TAS2R1: variants seen among roughly 807,000 people sequenced by gnomAD.
The protein encoded by TAS2R1 is taste receptor type 2 member 1.
For synonymous variants in TAS2R1, 141 were observed against 134.2 expected, an observed-to-expected ratio of 1.05 and a Z score of -0.35; for missense variants, 370 against 353.4, an observed-to-expected ratio of 1.05 and a Z score of -0.38.
intron 2 of TAS2R1, among the ~76,000 whole-genome samples, chr5:9,648,052 T>C (rs980158285): frequency 1.8e-4 from 28 of 152,168 alleles, no homozygotes; most frequent in Middle Eastern, 3.2e-3. Flanking sequence ...TGAGATCAAA[T>C]GTATCTCAAA....
In TAS2R1 at chr5:9,640,725, T is replaced by G. The variant is rs1315679750; in HGVS notation, c.-80-10733A>C. Among the ~76,000 whole-genome samples, 3 of 152,284 alleles carry G rather than the reference T, an allele frequency of 2.0e-5. No individual in the cohort carries two copies. In the East Asian group the frequency reaches 5.8e-4, roughly 29 times the overall value. On this transcript the variant is annotated intron_variant, in intron 2 of 2. Coordinates refer to the TAS2R1 transcript ENST00000506620. ...CAACACTCAGCTCTGAGAAGCAGAT[T>G]TGTGCTTTCTTCTCATCCTCAGTAC...
chr5:9,827,288 C>A, the TAS2R1 span, among the ~76,000 whole-genome samples: 1 of 152,178 alleles, frequency 6.6e-6, no homozygotes, highest in African/African-American at 2.4e-5. Flanking sequence ...CTCAATTCTA[C>A]CTGCAACACG....
the TAS2R1 span, among the ~76,000 whole-genome samples, chr5:9,895,900 C>T: frequency 9.2e-5 from 14 of 152,298 alleles, no homozygotes; most frequent in African/African-American, 2.2e-4. Context: ...CTGATATGAA[C>T]GCATCTGAAT....
the TAS2R1 span, among the ~76,000 whole-genome samples, chr5:9,810,572 G>A: frequency 1.3e-5 from 2 of 152,148 alleles, no homozygotes; most frequent in African/African-American, 4.8e-5. Context: ...AGGGGGGCAT[G>A]GGGTTATAAA....
the TAS2R1 span, among the ~76,000 whole-genome samples, chr5:9,727,812 G>A: frequency 1.3e-5 from 2 of 152,206 alleles, no homozygotes; most frequent in African/African-American, 4.8e-5. Context: ...CAGCCTTGCA[G>A]AGCTCCCAGG....
chr5:9,769,659 G>A, the TAS2R1 span, among the ~76,000 whole-genome samples: 1 of 152,184 alleles, frequency 6.6e-6, no homozygotes, highest in South Asian at 2.1e-4. Flanking sequence ...TTCTCTGATG[G>A]TCAGCGATGT....
chr5:9,881,286 A>G, the TAS2R1 span, among the ~76,000 whole-genome samples: 1 of 152,116 alleles, frequency 6.6e-6, no homozygotes, highest in Admixed American at 6.5e-5. Context: ...CTAGGAACAC[A>G]GGGAATACAG....
chr5:9,757,305 A>G, the TAS2R1 span, among the ~76,000 whole-genome samples: 1 of 152,176 alleles, frequency 6.6e-6, no homozygotes, highest in African/African-American at 2.4e-5. Flanking sequence ...TTCTTACAAA[A>G]CAAAGGCATA....
chr5:9,815,655 T>C, the TAS2R1 span, among the ~76,000 whole-genome samples: 1 of 151,404 alleles, frequency 6.6e-6, no homozygotes. Context: ...GTCTGTATTG[T>C]ACATTTGTTA....
chr5:9,629,289 A>G lies in TAS2R1; in HGVS notation c.744T>C (p.Ser248=), dbSNP rs1257509025. The G allele has an allele frequency of 3.7e-6, 6 of 1,613,868 alleles. No homozygotes were observed. The highest frequency in any genetic ancestry group is 3.3e-5 in the Admixed American group (2 of 59,948). Residue 248 remains serine, a synonymous_variant, in exon 1 of 1, where the codon TCT becomes TCC. Transcript: ENST00000382492. Reference sequence around the variant, plus strand: ...ACCTTCTGATGTGAAACTTTAGAGAAGAGAGAAAAACTTTTATCATGCAGT... The same window carrying G: ...ACCTTCTGATGTGAAACTTTAGAGAGGAGAGAAAAACTTTTATCATGCAGT... ...FSHCMIKVFL[S]SLKFHIRRFI... is the part of the protein sequence containing the mutation.
chr5:9,673,172 A>G (rs990575605), intron 1 of TAS2R1, among the ~76,000 whole-genome samples: 5 of 152,168 alleles, frequency 3.3e-5, no homozygotes, highest in African/African-American at 1.2e-4. Context: ...GGAGAGGATC[A>G]AAAAACTACC....
chr5:9,780,266 A>T, the TAS2R1 span, among the ~76,000 whole-genome samples: 1 of 152,144 alleles, frequency 6.6e-6, no homozygotes, highest in Non-Finnish European at 1.5e-5. Context: ...TCTTTGCTTA[A>T]CTTCTCTTCT....
At chr5:9,840,861 T>A in the TAS2R1 span, among the ~76,000 whole-genome samples, 636 of 3,178 alleles carry the variant, frequency 0.2, 49 homozygotes, top group South Asian at 0.23. Context: ...TTATTTATTT[T>A]TTTTTTTTTT....
At chr5:9,841,230 G>A in the TAS2R1 span, among the ~76,000 whole-genome samples, 4 of 152,066 alleles carry the variant, frequency 2.6e-5, no homozygotes. Flanking sequence ...TATCCATATT[G>A]AGAATCACAG....
chr5:9,752,226 G>T, the TAS2R1 span, among the ~76,000 whole-genome samples: 2 of 152,166 alleles, frequency 1.3e-5, no homozygotes, highest in African/African-American at 4.8e-5. Flanking sequence ...CAGGATTCAG[G>T]AGAGGTTGAA....
chr5:9,724,202 A>C, the TAS2R1 span, among the ~76,000 whole-genome samples: 3 of 152,218 alleles, frequency 2.0e-5, no homozygotes, highest in African/African-American at 7.2e-5. Flanking sequence ...CATTAGGCCA[A>C]GAACCATATT....
chr5:9,791,189 AACACACACACACAT>A, the TAS2R1 span, among the ~76,000 whole-genome samples: 1 of 151,932 alleles, frequency 6.6e-6, no homozygotes, highest in Non-Finnish European at 1.5e-5. Flanking sequence ...TAGTGGAGTG[AACACACACACACAT>A]ACACACACAC....
chr5:9,670,716 C>A (rs178148), intron 1 of TAS2R1, among the ~76,000 whole-genome samples: 144,340 of 152,298 alleles, frequency 0.95, 68,978 homozygotes, highest in Non-Finnish European at 1. Context: ...AGATGTATAA[C>A]GAAGAGCTGG....
intron 2 of TAS2R1, among the ~76,000 whole-genome samples, chr5:9,655,314 G>A (rs1210813963): frequency 6.6e-6 from 1 of 151,688 alleles, no homozygotes; most frequent in Non-Finnish European, 1.5e-5. Flanking sequence ...AAATTAATTG[G>A]GAAAGGTTTA....
Sources: gnomAD v4.1 joint callset for allele counts (sites outside exome capture counted in the v4.1 genomes callset) on GRCh38, gnomAD v4.1.1 for gene constraint, MANE v1.5 for transcripts, NCBI Gene and HGNC (gene_info 2026-07-23, HGNC 2026-07-21) for gene names.